ACVR1: variants seen among roughly 807,000 people sequenced by gnomAD.
ACVR1 encodes the protein activin A receptor type 1.
Under a neutral mutation model 57.1 loss-of-function variants are expected in ACVR1, and 38 were observed. The observed-to-expected ratio is 0.67, with a 90% CI of 0.51 to 0.87. The LOEUF (loss-of-function observed/expected upper bound fraction) is 0.87, where lower values mean the gene tolerates loss of function less well. ACVR1 is among the 40% of genes least tolerant of loss of function. The pLI is 0.00. For synonymous variants in ACVR1, 212 were observed against 228.1 expected, an observed-to-expected ratio of 0.93 and a Z score of 0.63; for missense variants, 463 against 638.2, an observed-to-expected ratio of 0.73 and a Z score of 2.96.
chr2:157,822,395 G>T (rs1688191129), intron 1 of ACVR1, among the ~76,000 whole-genome samples: 1 of 152,140 alleles, frequency 6.6e-6, no homozygotes, highest in Admixed American at 6.5e-5. Flanking sequence ...TACTTGCATT[G>T]TCTGACCTAA....
Position 157,868,640 on chromosome 2 carries a change from T to C in ACVR1, c.-183+7156A>G, listed in dbSNP as rs142795293. On this transcript the variant is annotated intron_variant, in intron 1 of 10. Transcript: ENST00000434821. ...AGATACCTCTCAAAATAACATCCAA[T>C]TGGTACCTCTTTCAGAGGCCAGCCA... Among the ~76,000 whole-genome samples, 574 of 152,326 alleles carry C rather than the reference T, an allele frequency of 3.8e-3. 2 individuals carry two copies. The highest frequency in any genetic ancestry group is 0.013 in the African/African-American group (538 of 41,580).
At chr2:157,822,089 A>C (rs947686990) in intron 1 of ACVR1, among the ~76,000 whole-genome samples, 2 of 152,146 alleles carry the variant, frequency 1.3e-5, no homozygotes, top group Non-Finnish European at 2.9e-5. Context: ...GAACCATTCC[A>C]TACTCTCCCT....
chr2:157,802,369 G>C (rs1052949396), intron 2 of ACVR1, among the ~76,000 whole-genome samples: 12 of 152,148 alleles, frequency 7.9e-5, no homozygotes, highest in African/African-American at 2.9e-4. Flanking sequence ...AAAGGGTCTG[G>C]AAGAGTCACA....
chr2:157,848,905 C>T (rs1435392566), intron 1 of ACVR1, among the ~76,000 whole-genome samples: 1 of 151,996 alleles, frequency 6.6e-6, no homozygotes, highest in Non-Finnish European at 1.5e-5. Context: ...GACGAAGCTA[C>T]AACAAAAATG....
intron 1 of ACVR1, among the ~76,000 whole-genome samples, chr2:157,865,496 TAGAC>T (rs1355769309): frequency 2.6e-5 from 4 of 152,234 alleles, no homozygotes; most frequent in East Asian, 3.9e-4. Flanking sequence ...GATAGATAGA[TAGAC>T]AGACAGATAG....
intron 2 of ACVR1, among the ~76,000 whole-genome samples, chr2:157,810,502 T>C (rs1371159760): frequency 6.6e-6 from 1 of 152,204 alleles, no homozygotes; most frequent in Non-Finnish European, 1.5e-5. Context: ...CCTCCCTTAA[T>C]ATGTAATTCA....
chr2:157,756,055 TA>T (rs1685414238), intron 9 of ACVR1, among the ~76,000 whole-genome samples: 2 of 151,112 alleles, frequency 1.3e-5, no homozygotes, highest in Admixed American at 1.3e-4. Context: ...AAAAAAAACA[TA>T]AAGTGGGGAA....
chr2:157,768,530 C>T (rs926691817), intron 7 of ACVR1, among the ~76,000 whole-genome samples: 6 of 152,192 alleles, frequency 3.9e-5, no homozygotes. Context: ...CTCACCTTCA[C>T]TAAGCCCCTT....
chr2:157,829,906 A>C (rs904727868), intron 1 of ACVR1, among the ~76,000 whole-genome samples: 2 of 152,230 alleles, frequency 1.3e-5, no homozygotes, highest in African/African-American at 4.8e-5. Flanking sequence ...TGAAACATCA[A>C]GGATAGTCAT....
rs1295042051 is a variant in ACVR1 at position 157,855,347 on chromosome 2, A to ACAC, written c.-183+20448_-183+20449insGTG. Among the ~76,000 whole-genome samples the ACAC allele has an allele frequency of 5.0e-4, 60 of 119,738 alleles. 1 individual carries two copies. The highest frequency in any genetic ancestry group is 1.6e-3 in the African/African-American group (54 of 34,266). The allele number at this position is 119,738 out of a possible 152,430, so 78.6% of individuals were successfully genotyped here. On this transcript the variant is annotated intron_variant, in intron 1 of 10. Coordinates refer to ENST00000434821, the MANE Select transcript of ACVR1 (RefSeq NM_001111067.4). ...ATACACACACACACACACACACACA[A>ACAC]AAATTAGCCGGACGTGGTGGCTTTC... is the stretch of plus-strand genomic sequence containing the variant.
chr2:157,756,433 A>C (rs375903753), intron 9 of ACVR1, among the ~76,000 whole-genome samples: 3 of 152,294 alleles, frequency 2.0e-5, no homozygotes, highest in East Asian at 1.9e-4. Flanking sequence ...ATTATTCAGA[A>C]TCTACAAGGG....
chr2:157,859,263 G>A (rs1244075882), intron 1 of ACVR1, among the ~76,000 whole-genome samples: 7 of 152,136 alleles, frequency 4.6e-5, no homozygotes, highest in Non-Finnish European at 8.8e-5. Flanking sequence ...ACCTCTGGTC[G>A]TCCTCACTGC....
intron 1 of ACVR1, among the ~76,000 whole-genome samples, chr2:157,844,308 C>A (rs537703468): frequency 6.6e-6 from 1 of 152,162 alleles, no homozygotes; most frequent in African/African-American, 2.4e-5. Flanking sequence ...AGCTCTGCCC[C>A]CAAGACTTCC....
chr2:157,757,402 A>G (rs559444025), intron 9 of ACVR1, among the ~76,000 whole-genome samples: 9 of 151,990 alleles, frequency 5.9e-5, no homozygotes, highest in Non-Finnish European at 1.0e-4. Flanking sequence ...AAGCTCAAAG[A>G]TCCCCAAAAA....
At chr2:157,820,925 A>G (rs1688139808) in intron 1 of ACVR1, among the ~76,000 whole-genome samples, 1 of 152,232 alleles carries the variant, frequency 6.6e-6, no homozygotes, top group Non-Finnish European at 1.5e-5. Flanking sequence ...TAAAAATTAA[A>G]TCTCCAAGTT....
At chr2:157,775,933 A>T (rs1305971451) in intron 5 of ACVR1, among the ~76,000 whole-genome samples, 2 of 152,152 alleles carry the variant, frequency 1.3e-5, no homozygotes, top group African/African-American at 2.4e-5. Context: ...TATATTGCCC[A>T]GGCTGGTCTC....
chr2:157,805,933 G>A (rs1409020078), intron 2 of ACVR1, among the ~76,000 whole-genome samples: 1 of 146,480 alleles, frequency 6.8e-6, no homozygotes, highest in African/African-American at 2.6e-5. Context: ...AAATGATCCT[G>A]CTGCCTCAGC....
chr2:157,782,728 T>C (rs10497190), intron 3 of ACVR1, among the ~76,000 whole-genome samples: 122,971 of 152,096 alleles, frequency 0.81, 49,887 homozygotes, highest in East Asian at 0.93. Context: ...GAGTTCATGG[T>C]GTCAGACTAA....
intron 9 of ACVR1, among the ~76,000 whole-genome samples, chr2:157,745,097 T>C (rs1163068598): frequency 2.0e-5 from 3 of 152,232 alleles, no homozygotes; most frequent in African/African-American, 7.2e-5. Context: ...ATTATAAAAT[T>C]AATTTCTATT....
Sources: allele counts gnomAD v4.1 joint callset (sites outside exome capture counted in the v4.1 genomes callset), GRCh38; gene constraint gnomAD v4.1.1; transcripts MANE v1.5; gene names NCBI Gene and HGNC (gene_info 2026-07-23, HGNC 2026-07-21).